MAP3K7CL: variants seen among roughly 807,000 people sequenced by gnomAD.
MAP3K7CL encodes MAP3K7 C-terminal-like protein.
In MAP3K7CL, 16 loss-of-function variants were observed where a neutral mutation model predicts 18.6. That is an observed-to-expected ratio of 0.86 (90% CI 0.58 to 1.31). The LOEUF (loss-of-function observed/expected upper bound fraction) is 1.31, where lower values mean the gene tolerates loss of function less well. MAP3K7CL is among the 50% of genes most tolerant of loss of function. The pLI, the probability that MAP3K7CL is intolerant of heterozygous loss-of-function variation, is 0.00. For missense variants in MAP3K7CL, 163 were observed against 174.4 expected (o/e 0.93, Z 0.37); for synonymous variants, 65 against 66.8 (o/e 0.97, Z 0.13).
intron 1 of MAP3K7CL, among the ~76,000 whole-genome samples, chr21:29,091,226 C>T (rs932072767): frequency 6.6e-6 from 1 of 152,130 alleles, no homozygotes; most frequent in African/African-American, 2.4e-5. Flanking sequence ...AGTGTATTAC[C>T]AAATGGTGCT....
chr21:29,165,036 G>A (rs2087650733), intron 4 of MAP3K7CL, among the ~76,000 whole-genome samples: 1 of 151,926 alleles, frequency 6.6e-6, no homozygotes, highest in South Asian at 2.1e-4. Flanking sequence ...ACATTTTATG[G>A]CTTTTGAAAT....
upstream of MAP3K7CL, among the ~76,000 whole-genome samples, chr21:29,129,257 T>G (rs2086734925): frequency 6.6e-6 from 1 of 152,228 alleles, no homozygotes; most frequent in African/African-American, 2.4e-5. Flanking sequence ...GACAATTGTG[T>G]AATGATGTGT....
In MAP3K7CL at chr21:29,170,742, G is replaced by A. The variant is rs572645143; in HGVS notation, c.249-3970G>A. On this transcript the variant is annotated intron_variant, in intron 4 of 4. Coordinates refer to ENST00000399928, the MANE Select transcript of MAP3K7CL (RefSeq NM_001286620.2). ...GCAGCTCCACCTCCCAGGTTCCAGCGATTCTCCTGCCTCAGCCTCCCGAGT... is the reference window on the plus strand; with the variant it reads ...GCAGCTCCACCTCCCAGGTTCCAGCAATTCTCCTGCCTCAGCCTCCCGAGT... Among the ~76,000 whole-genome samples, 7 of 151,630 alleles carry A rather than the reference G, an allele frequency of 4.6e-5. No individual in the cohort carries two copies. The South Asian group carries it at 1.5e-3, about 32-fold the overall frequency.
intron 2 of MAP3K7CL, among the ~76,000 whole-genome samples, chr21:29,144,982 T>A (rs2087094721): frequency 6.6e-6 from 1 of 152,240 alleles, no homozygotes; most frequent in Non-Finnish European, 1.5e-5. Flanking sequence ...ACATTGTATT[T>A]GCCAAACAGG....
Position 29,156,880 on chromosome 21 carries a change from C to T in MAP3K7CL, c.133-3061C>T, listed in dbSNP as rs138163268. Among the ~76,000 whole-genome samples the T allele has an allele frequency of 4.5e-3, 679 of 152,190 alleles. 5 individuals are homozygous for T. The highest frequency in any genetic ancestry group is 0.015 in the African/African-American group (642 of 41,516). The stretch of plus-strand genomic sequence containing the variant: ...ACTGCCCTCTAAGAACAGTAGATTC[C>T]GTTGACCGGAGAGCACTTTGATTTG... On this transcript the variant is annotated intron_variant, in intron 3 of 4. Coordinates refer to ENST00000399928, the MANE Select transcript of MAP3K7CL (RefSeq NM_001286620.2).
At chr21:29,105,590 C>G (rs1342356836) in intron 4 of MAP3K7CL, among the ~76,000 whole-genome samples, 1 of 152,046 alleles carries the variant, frequency 6.6e-6, no homozygotes, top group Non-Finnish European at 1.5e-5. Context: ...GCAAGAGATT[C>G]CAGGCAGTGG....
chr21:29,124,172 G>A (rs1295797534), intron 4 of MAP3K7CL, among the ~76,000 whole-genome samples: 3 of 151,862 alleles, frequency 2.0e-5, no homozygotes, highest in Non-Finnish European at 4.4e-5. Flanking sequence ...GGCGAAGGTG[G>A]TGAAACCCCA....
At chr21:29,142,546 CAGA>C (rs2087033120) in intron 2 of MAP3K7CL, among the ~76,000 whole-genome samples, 1 of 152,164 alleles carries the variant, frequency 6.6e-6, no homozygotes, top group Non-Finnish European at 1.5e-5. Context: ...TTCCCCACCT[CAGA>C]AGTTTAGCTT....
intron 4 of MAP3K7CL, among the ~76,000 whole-genome samples, chr21:29,168,506 T>C (rs1002880369): frequency 6.6e-6 from 1 of 152,200 alleles, no homozygotes; most frequent in African/African-American, 2.4e-5. Context: ...ACTTAGGTTT[T>C]TGTGAAATTT....
intron 2 of MAP3K7CL, chr21:29,139,428 A>G (rs2086954494): frequency 6.6e-6 from 1 of 152,084 alleles, no homozygotes; most frequent in African/African-American, 2.4e-5. Flanking sequence ...AACCTTTTCT[A>G]CCTTCAGTAT....
chr21:29,109,458 C>G (rs1196786510), intron 4 of MAP3K7CL: 1 of 1,186,142 alleles, frequency 8.4e-7, no homozygotes, highest in East Asian at 4.0e-5. Context: ...GGCAAAACCC[C>G]CATCTCAGCA....
chr21:29,109,352 G>T (rs985627554), intron 4 of MAP3K7CL: 21 of 1,389,158 alleles, frequency 1.5e-5, no homozygotes, highest in Non-Finnish European at 2.0e-5. Flanking sequence ...ATTTTCATTA[G>T]TAATAGAAAG....
upstream of MAP3K7CL, among the ~76,000 whole-genome samples, chr21:29,128,449 C>T (rs1029464648): frequency 8.6e-5 from 13 of 151,846 alleles, no homozygotes; most frequent in Admixed American, 6.6e-5. Flanking sequence ...GCTACAGGCG[C>T]CCACCACCAC....
At chr21:29,154,513 A>G (rs1242178740) in intron 3 of MAP3K7CL, among the ~76,000 whole-genome samples, 1 of 152,162 alleles carries the variant, frequency 6.6e-6, no homozygotes, top group Non-Finnish European at 1.5e-5. Flanking sequence ...AGAGTCTGAT[A>G]AGTCCAGAAA....
At chr21:29,087,125 T>C (rs1301801952) in intron 1 of MAP3K7CL, among the ~76,000 whole-genome samples, 3 of 152,196 alleles carry the variant, frequency 2.0e-5, no homozygotes, top group Non-Finnish European at 4.4e-5. Context: ...TGCTGGACTT[T>C]TTCACCAGCT....
In MAP3K7CL at chr21:29,105,355, C is replaced by A. The variant is rs147111166; in HGVS notation, c.370+12774C>A. Among the ~76,000 whole-genome samples the A allele has an allele frequency of 9.6e-4, 146 of 152,336 alleles. 1 individual carries two copies. Among genetic ancestry groups the A allele is most frequent in the Admixed American group, 6.8e-3 (104 of 15,300 alleles). On this transcript the variant is annotated intron_variant, in intron 4 of 6. Transcript: ENST00000286791. ...AACAGATCTGATTCTGCCCTGCCTT[C>A]TTCCTGTTGCTCATTCCACTGAGCC...
chr21:29,155,599 T>G (rs1166400377), intron 3 of MAP3K7CL, among the ~76,000 whole-genome samples: 1 of 152,194 alleles, frequency 6.6e-6, no homozygotes, highest in Non-Finnish European at 1.5e-5. Flanking sequence ...CCGGCATTCT[T>G]GGAACCGGAC....
chr21:29,110,605 C>T (rs2086402315), intron 4 of MAP3K7CL, among the ~76,000 whole-genome samples: 1 of 152,084 alleles, frequency 6.6e-6, no homozygotes, highest in African/African-American at 2.4e-5. Flanking sequence ...CCATGTTGGC[C>T]AGGCTGGTCT....
At position 29,174,971 on chromosome 21, in the gene MAP3K7CL, G is replaced by C; in HGVS notation, c.*79G>C. 2 of 1,371,294 alleles carry C rather than the reference G, an allele frequency of 1.5e-6. No homozygotes were observed. The highest frequency in any genetic ancestry group is 3.7e-4 in the Middle Eastern group (2 of 5,474). The allele number at this position is 1,371,294 out of a possible 1,614,324, so 84.9% of individuals were successfully genotyped here. On this transcript the variant is annotated 3_prime_UTR_variant, in exon 5 of 5. Coordinates refer to ENST00000399928, the MANE Select transcript of MAP3K7CL (RefSeq NM_001286620.2). ...AAAAGATTTTTATTTTAAATGAATAGTGAGTCAGATCTATTGCTTCTCTGT... is the reference window on the plus strand; with the variant it reads ...AAAAGATTTTTATTTTAAATGAATACTGAGTCAGATCTATTGCTTCTCTGT...
Sources: allele counts gnomAD v4.1 joint callset (sites outside exome capture counted in the v4.1 genomes callset), GRCh38; gene constraint gnomAD v4.1.1; transcripts MANE v1.5; gene names NCBI Gene and HGNC (gene_info 2026-07-23, HGNC 2026-07-21).